The following JAKMIP3 variants were observed in gnomAD, a reference collection of about 807,000 sequenced individuals.
JAKMIP3 encodes Janus kinase and microtubule interacting protein 3, also known as janus kinase and microtubule-interacting protein 3.
JAKMIP3 carries 58 observed loss-of-function variants against 118.5 expected under a neutral mutation model. The ratio of observed to expected loss-of-function variants is 0.49; its 90% CI spans 0.40 to 0.61. The LOEUF is 0.61. JAKMIP3 is among the 20% of genes least tolerant of loss of function. JAKMIP3 has a pLI of 0.00. For missense variants in JAKMIP3, 950 were observed against 1,109.0 expected (o/e 0.86, Z 2.04); for synonymous variants, 486 against 451.2 (o/e 1.08, Z -0.98).
chr10:132,173,712 ATGG>A (rs1410929090), intron 23 of JAKMIP3, among the ~76,000 whole-genome samples: 5 of 123,998 alleles, frequency 4.0e-5, no homozygotes, highest in Non-Finnish European at 5.6e-5. Context: ...TGGTATGTTC[ATGG>A]TGGTGTGTGT....
chr10:132,117,460 G>T lies in JAKMIP3; in HGVS notation c.519G>T (p.Thr173=). ...GAKRQVEEAL[T]LVIQADKIKA... Reference sequence around the variant, plus strand: ...AAAGGCAGGTGGAGGAGGCGCTGACGCTGGTGATCCAAGCGGACAAGATCA... The same window carrying T: ...AAAGGCAGGTGGAGGAGGCGCTGACTCTGGTGATCCAAGCGGACAAGATCA... The change falls in exon 3 of 24, where the codon ACG becomes ACT. Residue 173 remains threonine (T), a synonymous_variant. Transcript: ENST00000684848. This position sits in a 1 kb window ranked among gnomAD's most constrained non-coding sequence, Gnocchi z 8.6. 2 of 1,613,946 alleles carry T rather than the reference G, an allele frequency of 1.2e-6. No homozygotes were observed. The highest frequency in any genetic ancestry group is 1.7e-6 in the Non-Finnish European group (2 of 1,179,890).
chr10:132,058,005 C>T (rs375720027), intron 1 of JAKMIP3, among the ~76,000 whole-genome samples: 4 of 152,206 alleles, frequency 2.6e-5, no homozygotes, highest in Admixed American at 2.0e-4. Context: ...GGGGCCAGAT[C>T]CTCGGCCCCT....
intron 1 of JAKMIP3, among the ~76,000 whole-genome samples, chr10:132,037,843 T>C (rs1366303384): frequency 2.0e-5 from 3 of 152,016 alleles, no homozygotes; most frequent in Non-Finnish European, 4.4e-5. Flanking sequence ...GGCTTCCCCC[T>C]ACCCCTGCCC....
chr10:132,115,177 T>C (rs778761982), intron 2 of JAKMIP3, among the ~76,000 whole-genome samples: 44 of 150,712 alleles, frequency 2.9e-4, no homozygotes, highest in Non-Finnish European at 5.9e-5. Flanking sequence ...TGCAATCAGC[T>C]CCAGCACTGG....
In JAKMIP3 at chr10:132,112,870, G is replaced by T. The variant is rs1290336924; in HGVS notation, c.136-4207G>T. Among the ~76,000 whole-genome samples the T allele has an allele frequency of 6.6e-6, 1 of 152,044 alleles. No individual in the cohort carries two copies. The highest frequency in any genetic ancestry group is 2.4e-5 in the African/African-American group (1 of 41,382). On this transcript the variant is annotated intron_variant, in intron 2 of 23. Transcript: ENST00000684848. The surrounding 1 kb of genome is among the most constrained non-coding windows in gnomAD (Gnocchi z 4.3). ...TGCCTGGCTGCGAATCCCCTCTCTC[G>T]CTCCCTCTGTCTTTCCCTTCTGCCC...
chr10:132,180,664 TGCGTGTGTGTGCGCGCGCGTGTGTGTGC>T (rs1199850237), intron 23 of JAKMIP3, among the ~76,000 whole-genome samples: 2 of 31,662 alleles, frequency 6.3e-5, no homozygotes, highest in African/African-American at 1.9e-4. Context: ...TGTGCGTGTG[TGCGTGTGTGTGCGCGCGCGTGTGTGTGC>T]GTGCGTGTGT....
At chr10:132,147,334 G>A (rs1564961540) in intron 13 of JAKMIP3, among the ~76,000 whole-genome samples, 1 of 152,244 alleles carries the variant, frequency 6.6e-6, no homozygotes. Flanking sequence ...GCCCTCATGA[G>A]GCTGCTGAGG....
At position 132,145,594 on chromosome 10, in the gene JAKMIP3, C is replaced by T; in HGVS notation, c.1749+14C>T. Reference sequence around the variant, plus strand: ...CTTGTGGAAAAGGTGAGCCCCGAACCCCTGGAGGCCCTGGCAGGACTCGCT... The same window carrying T: ...CTTGTGGAAAAGGTGAGCCCCGAACTCCTGGAGGCCCTGGCAGGACTCGCT... On this transcript the variant is annotated intron_variant, in intron 13 of 23. Coordinates refer to ENST00000684848, the MANE Select transcript of JAKMIP3 (RefSeq NM_001323087.2). The T allele has an allele frequency of 5.1e-6, 8 of 1,555,082 alleles. No individual in the cohort carries two copies. Among genetic ancestry groups the T allele is most frequent in the Non-Finnish European group, 5.2e-6 (6 of 1,149,026 alleles).
At chr10:132,178,729 C>T (rs950296166) in intron 23 of JAKMIP3, among the ~76,000 whole-genome samples, 2 of 152,192 alleles carry the variant, frequency 1.3e-5, no homozygotes, top group Admixed American at 6.5e-5. Context: ...GGTCCCGAGC[C>T]TTCCAGTGGC....
chr10:132,118,683 G>A lies in JAKMIP3; in HGVS notation c.633+1109G>A, dbSNP rs151263539. Among the ~76,000 whole-genome samples, 778 of 152,306 alleles carry A rather than the reference G, an allele frequency of 5.1e-3. 5 individuals are homozygous for A. The highest frequency in any genetic ancestry group is 0.016 in the South Asian group (79 of 4,826). On this transcript the variant is annotated intron_variant, in intron 3 of 23. Coordinates refer to ENST00000684848, the MANE Select transcript of JAKMIP3 (RefSeq NM_001323087.2). This position sits in a 1 kb window ranked among gnomAD's most constrained non-coding sequence, Gnocchi z 4.8. The stretch of plus-strand genomic sequence containing the variant: ...AGTGTACACGTGGGTGCCCCCAAAC[G>A]TGCCTAACCCGGGTGATTCCCTTCC...
chr10:132,086,459 T>TGAA (rs1351049079), intron 1 of JAKMIP3, among the ~76,000 whole-genome samples: 2 of 152,244 alleles, frequency 1.3e-5, no homozygotes, highest in Admixed American at 6.5e-5. Context: ...AGTGGAGTAC[T>TGAA]GAAGTTCCCC....
In JAKMIP3 at chr10:132,138,195, C is replaced by A. The variant is rs553935481; in HGVS notation, c.1344+17C>A. 2 of 1,601,360 alleles carry A rather than the reference C, an allele frequency of 1.2e-6. No homozygotes were observed. The highest frequency in any genetic ancestry group is 2.7e-5 in the African/African-American group (2 of 74,694). ...CTTCCCAAGGTAAGGAACAGCACAC[C>A]GGCACGTGCGGAGAGTACGCCGGGT... On this transcript the variant is annotated intron_variant, in intron 9 of 23. Transcript: ENST00000684848.
intron 9 of JAKMIP3, among the ~76,000 whole-genome samples, chr10:132,139,186 A>C (rs201928545): frequency 1.1e-5 from 1 of 92,686 alleles, no homozygotes; most frequent in African/African-American, 5.0e-5. Context: ...GTGTCTGTGT[A>C]TGTGTGTGTA....
intron 3 of JAKMIP3, among the ~76,000 whole-genome samples, chr10:132,120,903 G>T (rs879380435): frequency 4.6e-5 from 7 of 152,252 alleles, no homozygotes; most frequent in Non-Finnish European, 8.8e-5. Context: ...AGGTGGAGGG[G>T]CTGGGAGAGC....
chr10:132,104,035 T>A (rs1308529840), intron 1 of JAKMIP3, among the ~76,000 whole-genome samples: 1 of 152,214 alleles, frequency 6.6e-6, no homozygotes, highest in African/African-American at 2.4e-5. Flanking sequence ...GGGATCCTCC[T>A]GTCATAGCGT....
chr10:132,166,096 G>A (rs9419385), intron 21 of JAKMIP3, among the ~76,000 whole-genome samples: 76,238 of 152,106 alleles, frequency 0.5, 20,342 homozygotes, highest in East Asian at 0.9. Flanking sequence ...GGCCTAGATG[G>A]GAGGATCGCT....
chr10:132,036,608 G>A (rs1450286709), upstream of JAKMIP3, among the ~76,000 whole-genome samples: 2 of 151,396 alleles, frequency 1.3e-5, no homozygotes, highest in East Asian at 1.9e-4. Flanking sequence ...GCCCGGGAGT[G>A]GGGGCGGCGG....
intron 19 of JAKMIP3, among the ~76,000 whole-genome samples, chr10:132,159,144 TTGTGTGATGTTGTGGGGGTATCTCTTCC>T (rs2057471224): frequency 9.0e-6 from 1 of 111,436 alleles, no homozygotes; most frequent in Admixed American, 9.0e-5. Context: ...GCGTCTCTCC[TTGTGTGATGTTGTGGGGGTATCTCTTCC>T]TGTGTGATGT....
chr10:132,061,854 T>C (rs1223809029), upstream of JAKMIP3, among the ~76,000 whole-genome samples: 1 of 151,392 alleles, frequency 6.6e-6, no homozygotes, highest in East Asian at 1.9e-4. Context: ...GGTAAAATGG[T>C]TCAATTGAAA....
Sources: allele counts gnomAD v4.1 joint callset (sites outside exome capture counted in the v4.1 genomes callset), GRCh38; gene constraint gnomAD v4.1.1; non-coding constraint Gnocchi (gnomAD v3.1); transcripts MANE v1.5; gene names NCBI Gene and HGNC (gene_info 2026-07-23, HGNC 2026-07-21).